PTPRT: variants seen among roughly 807,000 people sequenced by gnomAD.
The protein encoded by PTPRT is protein tyrosine phosphatase receptor type T, also known as receptor-type tyrosine-protein phosphatase T.
PTPRT carries 56 observed loss-of-function variants against 176.8 expected under a neutral mutation model. That is an observed-to-expected ratio of 0.32 (90% confidence interval 0.26 to 0.40). The LOEUF is 0.40. PTPRT is among the 10% of genes least tolerant of loss of function. The probability of loss-of-function intolerance (pLI) is 1.00; values close to 1 mark genes in which losing one functional copy is unlikely to be tolerated. For synonymous variants in PTPRT, 783 were observed against 739.0 expected (o/e 1.06, Z -0.96); for missense variants, 1,540 against 1,908.2 (o/e 0.81, Z 3.60).
intron 18 of PTPRT, among the ~76,000 whole-genome samples, chr20:42,139,628 G>T (rs1988530747): frequency 6.6e-6 from 1 of 152,266 alleles, no homozygotes; most frequent in Non-Finnish European, 1.5e-5. Flanking sequence ...CTGTGCCTGG[G>T]CAGGGGATCC....
chr20:42,667,867 G>C (rs746548173), intron 7 of PTPRT, among the ~76,000 whole-genome samples: 2 of 152,182 alleles, frequency 1.3e-5, no homozygotes, highest in Non-Finnish European at 2.9e-5. Flanking sequence ...GGCACGCAGG[G>C]GAGAGGGCGA....
At chr20:42,826,948 A>G (rs1286004827) in intron 2 of PTPRT, among the ~76,000 whole-genome samples, 2 of 152,224 alleles carry the variant, frequency 1.3e-5, no homozygotes, top group Admixed American at 1.3e-4. Flanking sequence ...GCCAAAGATC[A>G]AAAAAGACAA....
chr20:42,130,139 C>G (rs1988058707), intron 18 of PTPRT, among the ~76,000 whole-genome samples: 1 of 152,170 alleles, frequency 6.6e-6, no homozygotes, highest in African/African-American at 2.4e-5. Context: ...GGGGTGTAAG[C>G]ACAATGTTAG....
intron 1 of PTPRT, among the ~76,000 whole-genome samples, chr20:43,119,300 T>G (rs1462214998): frequency 6.6e-6 from 1 of 152,246 alleles, no homozygotes; most frequent in African/African-American, 2.4e-5. Flanking sequence ...TTTTATTCTT[T>G]GAACTCTTGG....
At chr20:42,104,510 A>G (rs2146253970) in intron 25 of PTPRT, 59 bp downstream of exon 25, 5 of 1,502,454 alleles carry the variant, frequency 3.3e-6, no homozygotes, top group South Asian at 1.2e-5. Flanking sequence ...ATCTATGGAA[A>G]TTTGTTATAA....
intron 11 of PTPRT, among the ~76,000 whole-genome samples, chr20:42,325,683 A>G (rs2057871704): frequency 1.3e-5 from 2 of 152,116 alleles, no homozygotes; most frequent in South Asian, 4.1e-4. Context: ...CCCAAAATTT[A>G]TTCTCAAAAC....
chr20:42,659,416 T>A (rs2075183692), intron 7 of PTPRT, among the ~76,000 whole-genome samples: 1 of 152,204 alleles, frequency 6.6e-6, no homozygotes, highest in African/African-American at 2.4e-5. Flanking sequence ...ACTCCCATAA[T>A]ACAGAATACC....
intron 12 of PTPRT, among the ~76,000 whole-genome samples, chr20:42,302,302 AT>A (rs1568754859): frequency 6.6e-6 from 1 of 152,174 alleles, no homozygotes; most frequent in Non-Finnish European, 1.5e-5. Context: ...TTAGCATGGC[AT>A]ACAAAGCCCA....
intron 18 of PTPRT, among the ~76,000 whole-genome samples, chr20:42,138,494 T>C (rs1339488825): frequency 1.3e-5 from 2 of 152,208 alleles, no homozygotes. Flanking sequence ...TACATCTAGA[T>C]TACACCTTTA....
At chr20:42,617,131 G>A (rs1269383343) in intron 7 of PTPRT, among the ~76,000 whole-genome samples, 1 of 137,224 alleles carries the variant, frequency 7.3e-6, no homozygotes, top group East Asian at 2.0e-4. Flanking sequence ...CTAATTTATT[G>A]AGAGTTTTTA....
At chr20:43,121,409 A>C (rs889844727) in intron 1 of PTPRT, among the ~76,000 whole-genome samples, 1 of 152,212 alleles carries the variant, frequency 6.6e-6, no homozygotes, top group Non-Finnish European at 1.5e-5. Flanking sequence ...TATCTAGCTT[A>C]TTAGATCTGC....
intron 1 of PTPRT, among the ~76,000 whole-genome samples, chr20:42,964,431 G>A (rs1367867045): frequency 6.6e-6 from 1 of 152,066 alleles, no homozygotes; most frequent in African/African-American, 2.4e-5. Context: ...TTGATAAAAG[G>A]TATAATTCAC....
At chr20:42,347,949 CACAA>C (rs913481954) in intron 11 of PTPRT, among the ~76,000 whole-genome samples, 3 of 152,196 alleles carry the variant, frequency 2.0e-5, no homozygotes, top group African/African-American at 7.2e-5. Flanking sequence ...CTGCCTCACT[CACAA>C]ACAATTTACT....
At position 42,528,722 on chromosome 20, in the gene PTPRT, C is replaced by G. The variant is rs1013445411; in HGVS notation, c.1154-56160G>C. Among the ~76,000 whole-genome samples the G allele has an allele frequency of 3.3e-5, 5 of 152,286 alleles. No homozygotes were observed. In the South Asian group the frequency reaches 1.0e-3, roughly 32 times the overall value. ...AAAGTTACTAAAAACGGTTCATTAT[C>G]TGAATCCTCACAGTGTTACAGCTTA... is the stretch of plus-strand genomic sequence containing the variant. On this transcript the variant is annotated intron_variant, in intron 7 of 30. Coordinates refer to ENST00000373187, the MANE Select transcript of PTPRT (RefSeq NM_007050.6).
intron 7 of PTPRT, among the ~76,000 whole-genome samples, chr20:42,646,494 C>A (rs908757732): frequency 1.3e-5 from 2 of 152,134 alleles, no homozygotes; most frequent in African/African-American, 4.8e-5. Flanking sequence ...AACTTGTCCA[C>A]CGAGCCCTAG....
intron 1 of PTPRT, among the ~76,000 whole-genome samples, chr20:43,066,087 T>A (rs1448964197): frequency 6.6e-6 from 1 of 152,126 alleles, no homozygotes; most frequent in Admixed American, 6.5e-5. Flanking sequence ...CCAGAAACCA[T>A]GTCTTCCACC....
intron 18 of PTPRT, among the ~76,000 whole-genome samples, chr20:42,135,679 T>TA (rs1411100605): frequency 2.6e-5 from 4 of 152,202 alleles, no homozygotes; most frequent in African/African-American, 9.7e-5. Context: ...TTTAGCTGTG[T>TA]GAAAAGTGTA....
At chr20:42,851,329 T>C (rs1208496734) in intron 2 of PTPRT, among the ~76,000 whole-genome samples, 1 of 152,194 alleles carries the variant, frequency 6.6e-6, no homozygotes. Flanking sequence ...GGCTCCTTTC[T>C]GCTGTTAAAA....
intron 14 of PTPRT, among the ~76,000 whole-genome samples, chr20:42,241,741 G>T (rs1255429927): frequency 6.6e-6 from 1 of 152,042 alleles, no homozygotes; most frequent in Non-Finnish European, 1.5e-5. Context: ...AGAAGGAGCA[G>T]GATTCAATTT....
Sources: allele counts gnomAD v4.1 joint callset (sites outside exome capture counted in the v4.1 genomes callset), GRCh38; gene constraint gnomAD v4.1.1; transcripts MANE v1.5; gene names NCBI Gene and HGNC (gene_info 2026-07-23, HGNC 2026-07-21).